Variants in MANBA observed in about 807,000 individuals in gnomAD.
MANBA encodes beta-mannosidase.
A neutral mutation model predicts 111.1 loss-of-function variants in MANBA; 83 were observed. That is an observed-to-expected ratio of 0.75 (90% CI 0.63 to 0.90). The LOEUF is 0.90. MANBA is among the 40% of genes least tolerant of loss of function. MANBA has a pLI of 0.00. For missense variants in MANBA, 1,036 were observed against 1,069.0 expected (o/e 0.97, Z 0.43); for synonymous variants, 370 against 378.7 (o/e 0.98, Z 0.27).
intron 1 of MANBA, chr4:102,751,295 C>T (rs1312522499): frequency 1.2e-5 from 4 of 322,770 alleles, no homozygotes; most frequent in Non-Finnish European, 2.5e-5. Flanking sequence ...ACTGCAGCTT[C>T]TCGCTTACCT....
intron 13 of MANBA, among the ~76,000 whole-genome samples, chr4:102,648,625 A>G (rs1730200985): frequency 6.6e-6 from 1 of 152,146 alleles, no homozygotes; most frequent in Non-Finnish European, 1.5e-5. Context: ...TCTTTTTAGA[A>G]TGACAGAAAT....
chr4:102,688,423 A>G (rs1732322683), intron 7 of MANBA, among the ~76,000 whole-genome samples: 1 of 151,104 alleles, frequency 6.6e-6, no homozygotes, highest in Non-Finnish European at 1.5e-5. Flanking sequence ...ACACATTCAC[A>G]GTGTCTCAGA....
At chr4:102,647,693 C>T (rs536746548) in intron 13 of MANBA, among the ~76,000 whole-genome samples, 2 of 152,116 alleles carry the variant, frequency 1.3e-5, no homozygotes, top group South Asian at 4.1e-4. Flanking sequence ...TGCCTTTAAC[C>T]TTGTGTTCTG....
At chr4:102,683,758 A>C (rs1732083680) in intron 7 of MANBA, among the ~76,000 whole-genome samples, 1 of 152,186 alleles carries the variant, frequency 6.6e-6, no homozygotes. Flanking sequence ...TCACATTCTA[A>C]GGTCCCTCAG....
At chr4:102,684,896 G>A (rs1732143029) in intron 7 of MANBA, among the ~76,000 whole-genome samples, 2 of 152,126 alleles carry the variant, frequency 1.3e-5, no homozygotes, top group African/African-American at 4.8e-5. Flanking sequence ...CTCATGAATT[G>A]CTTATTTCTG....
At position 102,632,270 on chromosome 4, in the gene MANBA, AG is replaced by A. The variant is rs757832432; in HGVS notation, c.2426del (p.Ser809PhefsTer24). 6.2e-7 allele frequency: 1 copy of A among 1,605,558 alleles called. No homozygotes were observed. The highest frequency in any genetic ancestry group is 8.5e-7 in the Non-Finnish European group (1 of 1,176,350). On this transcript the variant is annotated frameshift_variant, in exon 17 of 17. Coordinates refer to ENST00000647097, the MANE Select transcript of MANBA (RefSeq NM_005908.4). LOFTEE classifies it high-confidence loss of function. Reference protein sequence around the residue: ...LCKAQITAIISQQGDIFVFDL... With the variant: ...LCKAQITAIIXQQGDIFVFDL... Reference sequence around the variant, plus strand: ...CAAAAACAAATATGTCACCTTGCTGAGAGATGATGGCCTGAAAAAGAAAAAA... The same window carrying A: ...CAAAAACAAATATGTCACCTTGCTGAAGATGATGGCCTGAAAAAGAAAAAA...
At position 102,639,810 on chromosome 4, in the gene MANBA, A is replaced by G. The variant is rs1365294363; in HGVS notation, c.1917T>C (p.Arg639=). 5.6e-6 allele frequency: 9 copies of G among 1,613,978 alleles called. No individual in the cohort carries two copies. Among genetic ancestry groups the G allele is most frequent in the South Asian group, 2.2e-5 (2 of 91,086 alleles). The change falls in exon 14 of 17, where the codon CGT becomes CGC. Residue 639 remains arginine (R), a synonymous_variant. Transcript: ENST00000647097. ...CVKTETEFYR[R]SRSEIVDQQG... ...GCTGATCCACTATCTCGCTGCGACT[A>G]CGGCGGTAGAATTCAGTTTCTGTTT...
At chr4:102,703,129 T>G (rs1481055577) in intron 5 of MANBA, among the ~76,000 whole-genome samples, 1 of 151,906 alleles carries the variant, frequency 6.6e-6, no homozygotes, top group African/African-American at 2.4e-5. Flanking sequence ...TGTTGTTTGT[T>G]TACTTGTTTG....
chr4:102,755,137 A>G (rs1383034879), intron 1 of MANBA, among the ~76,000 whole-genome samples: 1 of 152,172 alleles, frequency 6.6e-6, no homozygotes, highest in Non-Finnish European at 1.5e-5. Flanking sequence ...GTTCATATGG[A>G]ACCCAAAAAA....
chr4:102,738,978 T>C (rs1460900056), intron 1 of MANBA, among the ~76,000 whole-genome samples: 3 of 151,616 alleles, frequency 2.0e-5, no homozygotes, highest in Non-Finnish European at 2.9e-5. Flanking sequence ...GTTTCAACAA[T>C]AGAATCGAAC....
In MANBA at chr4:102,653,341, G is replaced by T. The variant is rs557330179; in HGVS notation, c.1705-2640C>A. Among the ~76,000 whole-genome samples, 6 of 151,912 alleles carry T rather than the reference G, an allele frequency of 3.9e-5. No homozygotes were observed. The East Asian group carries it at 9.7e-4, about 24-fold the overall frequency. On this transcript the variant is annotated intron_variant, in intron 12 of 16. Transcript: ENST00000647097. The stretch of plus-strand genomic sequence containing the variant: ...CAGAAAGATTAAATAATCTGTCCAA[G>T]ATGATACAGATAATGAATGGCAGCT...
chr4:102,729,417 G>A, intron 1 of MANBA: 3 of 1,203,542 alleles, frequency 2.5e-6, no homozygotes, highest in Admixed American at 1.8e-5. Context: ...TGCCCAGGGA[G>A]CGGCTGTTGT....
intron 16 of MANBA, 56 bp from the exon 17 acceptor site, chr4:102,632,337 T>G: frequency 7.6e-7 from 1 of 1,321,452 alleles, no homozygotes; most frequent in Non-Finnish European, 1.1e-6. Flanking sequence ...AGTTATATAG[T>G]CTGTATACAG....
At chr4:102,726,821 A>G in intron 1 of MANBA, 138 bp from the exon 2 acceptor site, 1 of 630,722 alleles carries the variant, frequency 1.6e-6, no homozygotes, top group Admixed American at 2.9e-5. Context: ...TAGTACAAAG[A>G]GGGGACAGAT....
intron 5 of MANBA, among the ~76,000 whole-genome samples, chr4:102,701,746 C>T (rs1227278920): frequency 0.027 from 4,058 of 151,980 alleles, 101 homozygotes; most frequent in African/African-American, 0.075. Flanking sequence ...GTCTGATGGG[C>T]TTCCCTTTGT....
chr4:102,707,092 G>T (rs907659439), intron 5 of MANBA, among the ~76,000 whole-genome samples: 1 of 152,080 alleles, frequency 6.6e-6, no homozygotes, highest in African/African-American at 2.4e-5. Context: ...TTCCCAAACA[G>T]ATCCATTCAA....
chr4:102,657,070 T>G (rs1730586754), intron 12 of MANBA, among the ~76,000 whole-genome samples: 2 of 152,156 alleles, frequency 1.3e-5, no homozygotes, highest in Admixed American at 1.3e-4. Context: ...ATGGGTGCAT[T>G]GTATGGCAAG....
Position 102,631,629 on chromosome 4 carries a change from A to G in MANBA, c.*428T>C, listed in dbSNP as rs552341959. On this transcript the variant is annotated 3_prime_UTR_variant, in exon 17 of 17. Coordinates refer to ENST00000647097, the MANE Select transcript of MANBA (RefSeq NM_005908.4). ...TTCAATCGCCATTCCCTCTGAAATA[A>G]TAACAAAGCACTTTATTTGAGTATT... is the stretch of plus-strand genomic sequence containing the variant. 1 of 415,966 alleles carries G rather than the reference A, an allele frequency of 2.4e-6. No homozygotes were observed. Among genetic ancestry groups the G allele is most frequent in the South Asian group, 1.1e-4 (1 of 9,130 alleles). The allele number at this position is 415,966 out of a possible 1,614,324, so 25.8% of individuals were successfully genotyped here. A position where few individuals can be genotyped will look rare whatever the true frequency, so the allele number is the denominator to read the frequency against.
intron 5 of MANBA, among the ~76,000 whole-genome samples, chr4:102,700,506 A>C (rs1732977024): frequency 6.6e-6 from 1 of 151,340 alleles, no homozygotes; most frequent in South Asian, 2.1e-4. Flanking sequence ...AGTGCTATAA[A>C]TTTCCCTCTA....
Sources: gnomAD v4.1 joint callset for allele counts (sites outside exome capture counted in the v4.1 genomes callset) on GRCh38, gnomAD v4.1.1 for gene constraint, MANE v1.5 for transcripts, NCBI Gene and HGNC (gene_info 2026-07-23, HGNC 2026-07-21) for gene names.